ZNF148: variants seen among roughly 807,000 people sequenced by gnomAD.
ZNF148 encodes the protein zinc finger protein 148, also known as Beta-Enolase Repressor Factor-1.
ZNF148 carries 7 observed loss-of-function variants against 67.7 expected under a neutral mutation model. The observed-to-expected ratio is 0.10, with a 90% CI of 0.06 to 0.19. The LOEUF (loss-of-function observed/expected upper bound fraction) is 0.19, where lower values mean the gene tolerates loss of function less well. ZNF148 is among the 10% of genes least tolerant of loss of function. The probability of loss-of-function intolerance (pLI) is 1.00; values close to 1 mark genes in which losing one functional copy is unlikely to be tolerated. For synonymous variants in ZNF148, 333 were observed against 330.7 expected, an observed-to-expected ratio of 1.01 and a Z score of -0.08; for missense variants, 583 against 947.1, an observed-to-expected ratio of 0.62 and a Z score of 5.05.
chr3:125,255,803 T>C (rs1017653374), intron 7 of ZNF148, among the ~76,000 whole-genome samples: 3 of 152,300 alleles, frequency 2.0e-5, no homozygotes, highest in Middle Eastern at 3.4e-3. Context: ...TCATTTCTAA[T>C]GAAAAAGCAG....
At chr3:125,249,518 A>G (rs1936744025) in intron 7 of ZNF148, among the ~76,000 whole-genome samples, 1 of 152,190 alleles carries the variant, frequency 6.6e-6, no homozygotes, top group African/African-American at 2.4e-5. Flanking sequence ...TCAAATGATA[A>G]CAAGTGTTGG....
rs1298713230 is a variant in ZNF148, at chr3:125,323,334, T to C, written c.-42A>G. On this transcript the variant is annotated 5_prime_UTR_variant, in exon 3 of 9. Coordinates refer to ENST00000360647, the MANE Select transcript of ZNF148 (RefSeq NM_021964.3). ...CCGAGACTAAGGTAAAAACGAAGAC[T>C]TCAAGGAAAGGAATGCTGTAGAGTT... 24 of 670,832 alleles carry C rather than the reference T, an allele frequency of 3.6e-5. 1 individual carries two copies. In the South Asian group the frequency reaches 3.9e-4, roughly 11 times the overall value. 41.6% of individuals were successfully genotyped at this position (670,832 alleles called of 1,614,324 possible). A position where few individuals can be genotyped will look rare whatever the true frequency, so the allele number is the denominator to read the frequency against.
At chr3:125,281,447 C>T (rs1046829251) in intron 5 of ZNF148, among the ~76,000 whole-genome samples, 2 of 152,042 alleles carry the variant, frequency 1.3e-5, no homozygotes, top group Admixed American at 1.3e-4. Context: ...AAGACAGCAC[C>T]AGGTATTTTT....
chr3:125,316,534 C>T (rs1295363622), intron 3 of ZNF148, among the ~76,000 whole-genome samples: 1 of 152,158 alleles, frequency 6.6e-6, no homozygotes, highest in African/African-American at 2.4e-5. Context: ...TGGATATAAG[C>T]CATTTTAACT....
chr3:125,332,609 C>A (rs1011543024), intron 1 of ZNF148, among the ~76,000 whole-genome samples: 3 of 152,174 alleles, frequency 2.0e-5, no homozygotes, highest in African/African-American at 7.2e-5. Context: ...AAGCCTCAAC[C>A]AATTACAGAC....
intron 1 of ZNF148, among the ~76,000 whole-genome samples, chr3:125,345,873 C>T (rs1300178032): frequency 6.6e-6 from 1 of 152,094 alleles, no homozygotes; most frequent in African/African-American, 2.4e-5. Flanking sequence ...AACCTGCAGG[C>T]TCAGATGGCT....
At chr3:125,371,126 G>A (rs183236512) in intron 1 of ZNF148, among the ~76,000 whole-genome samples, 3 of 149,824 alleles carry the variant, frequency 2.0e-5, no homozygotes, top group Non-Finnish European at 4.5e-5. Flanking sequence ...GCTGAGGCAA[G>A]CAGACCACTT....
intron 6 of ZNF148, among the ~76,000 whole-genome samples, chr3:125,278,680 T>G (rs1938204294): frequency 1.3e-5 from 2 of 152,178 alleles, no homozygotes; most frequent in African/African-American, 4.8e-5. Flanking sequence ...CATTTCATCT[T>G]ACATGTCTAG....
chr3:125,360,410 T>C (rs2107779931), intron 1 of ZNF148, among the ~76,000 whole-genome samples: 1 of 152,224 alleles, frequency 6.6e-6, no homozygotes, highest in African/African-American at 2.4e-5. Context: ...CTCAGCCTCC[T>C]GAGTAACTGG....
At chr3:125,268,943 T>C (rs1372080363) in intron 7 of ZNF148, among the ~76,000 whole-genome samples, 1 of 152,068 alleles carries the variant, frequency 6.6e-6, no homozygotes, top group Non-Finnish European at 1.5e-5. Flanking sequence ...TCACAAACTA[T>C]GAATTCAACA....
chr3:125,232,864 G>T lies in ZNF148; in HGVS notation c.1862C>A (p.Ala621Asp). 1 of 1,613,806 alleles carries T rather than the reference G, an allele frequency of 6.2e-7. No homozygotes were observed. Among genetic ancestry groups the T allele is most frequent in the Non-Finnish European group, 8.5e-7 (1 of 1,179,804 alleles). The change falls in exon 9 of 9, where the codon GCC (alanine) becomes GAC (aspartate). Residue 621 changes from alanine to aspartate, a missense_variant. Ala to Asp is a moderately radical substitution (Grantham distance 126). Transcript: ENST00000360647. This position sits in a 1 kb window ranked among gnomAD's most constrained non-coding sequence, Gnocchi z 4.2. ...QALDRTSQND[A>D]YLNSPSLNFV... The stretch of plus-strand genomic sequence containing the variant: ...GTTAAGGCTCGGGCTATTCAAATAG[G>T]CATCATTTTGGCTAGTTCTGTCCAA...
chr3:125,332,146 T>C (rs546947830), intron 1 of ZNF148, among the ~76,000 whole-genome samples: 38 of 152,326 alleles, frequency 2.5e-4, no homozygotes, highest in African/African-American at 8.9e-4. Flanking sequence ...ATATGCTTTA[T>C]CAAGGACTAC....
chr3:125,240,956 T>A (rs183111071), intron 7 of ZNF148, among the ~76,000 whole-genome samples: 2 of 152,170 alleles, frequency 1.3e-5, no homozygotes, highest in Admixed American at 6.5e-5. Flanking sequence ...TCATTTATTA[T>A]TTTTTGATTG....
chr3:125,289,233 A>G (rs1006600546), intron 4 of ZNF148, among the ~76,000 whole-genome samples: 2 of 152,206 alleles, frequency 1.3e-5, no homozygotes, highest in African/African-American at 4.8e-5. Flanking sequence ...GCATGGTGCA[A>G]AAGATGATGA....
chr3:125,362,896 C>T (rs1025357314), intron 1 of ZNF148, among the ~76,000 whole-genome samples: 4 of 152,152 alleles, frequency 2.6e-5, no homozygotes, highest in African/African-American at 7.2e-5. Flanking sequence ...AAGCTACCCA[C>T]CTTGCTTTAT....
intron 1 of ZNF148, among the ~76,000 whole-genome samples, chr3:125,340,495 G>A (rs75483758): frequency 6.6e-6 from 1 of 152,220 alleles, no homozygotes; most frequent in Non-Finnish European, 1.5e-5. Flanking sequence ...CAGTAGGTGG[G>A]TCCCACCATA....
intron 7 of ZNF148, among the ~76,000 whole-genome samples, chr3:125,259,536 A>T (rs751799324): frequency 6.6e-6 from 1 of 152,266 alleles, no homozygotes; most frequent in East Asian, 1.9e-4. Context: ...CAATAAAGCA[A>T]GTCACACAAA....
At chr3:125,374,395 A>C (rs771317111) in intron 1 of ZNF148, among the ~76,000 whole-genome samples, 4 of 152,128 alleles carry the variant, frequency 2.6e-5, no homozygotes, top group Non-Finnish European at 5.9e-5. Flanking sequence ...CTCTTGCTTC[A>C]AACGCGATCC....
chr3:125,236,998 G>A (rs1392603299), intron 7 of ZNF148, among the ~76,000 whole-genome samples: 1 of 152,166 alleles, frequency 6.6e-6, no homozygotes, highest in African/African-American at 2.4e-5. Flanking sequence ...GAAGCTGGGA[G>A]AGAAAGTCAC....
Sources: gnomAD v4.1 joint callset for allele counts (sites outside exome capture counted in the v4.1 genomes callset) on GRCh38, gnomAD v4.1.1 for gene constraint, Gnocchi (gnomAD v3.1) non-coding constraint, MANE v1.5 for transcripts, NCBI Gene and HGNC (gene_info 2026-07-23, HGNC 2026-07-21) for gene names.